Variants in CHMP4B observed in about 807,000 individuals in gnomAD.
The protein encoded by CHMP4B is charged multivesicular body protein 4B, also known as SNF7 homolog associated with Alix 1.
CHMP4B carries 1 observed loss-of-function variant against 25.1 expected under a neutral mutation model. The observed-to-expected ratio is 0.04, with a 90% CI of 0.01 to 0.19. CHMP4B has a LOEUF of 0.19. Ranked by LOEUF, CHMP4B falls within the 10% of genes least tolerant of loss-of-function variation. The pLI, the probability that CHMP4B is intolerant of heterozygous loss-of-function variation, is 1.00. For missense variants in CHMP4B, 151 were observed against 289.7 expected (o/e 0.52, Z 3.48); for synonymous variants, 101 against 115.6 (o/e 0.87, Z 0.81).
intron 1 of CHMP4B, among the ~76,000 whole-genome samples, chr20:33,823,225 A>G (rs1457435412): frequency 6.6e-6 from 1 of 151,952 alleles, no homozygotes; most frequent in Non-Finnish European, 1.5e-5. Flanking sequence ...AAACTTGATC[A>G]TGTTTGATCT....
intron 1 of CHMP4B, among the ~76,000 whole-genome samples, chr20:33,839,018 C>T (rs921227221): frequency 2.0e-5 from 3 of 152,172 alleles, no homozygotes; most frequent in Non-Finnish European, 2.9e-5. Flanking sequence ...TCTGCTACTT[C>T]CCTCCAGGTA....
In CHMP4B at chr20:33,837,053, C is replaced by T. The variant is rs572532102; in HGVS notation, c.191-11414C>T. ...TCATCTGTAAAATTGGCTAGTAAGA[C>T]GAATTCCTTATTGTCAGGATTAAAT... On this transcript the variant is annotated intron_variant, in intron 1 of 4. Coordinates refer to ENST00000217402, the MANE Select transcript of CHMP4B (RefSeq NM_176812.5). Among the ~76,000 whole-genome samples, 49 of 152,232 alleles carry T rather than the reference C, an allele frequency of 3.2e-4. 1 individual carries two copies. Among genetic ancestry groups the T allele is most frequent in the African/African-American group, 1.1e-3 (47 of 41,550 alleles).
At chr20:33,828,090 C>T (rs1246818811) in intron 1 of CHMP4B, among the ~76,000 whole-genome samples, 1 of 152,140 alleles carries the variant, frequency 6.6e-6, no homozygotes, top group African/African-American at 2.4e-5. Flanking sequence ...TAAATTAGGC[C>T]CTTTAAAACC....
In CHMP4B at chr20:33,838,494, A is replaced by C. The variant is rs374491895; in HGVS notation, c.191-9973A>C. 8.5e-5 allele frequency among the ~76,000 whole-genome samples: 13 copies of C among 152,326 alleles called. No individual in the cohort carries two copies. In the East Asian group the frequency reaches 2.3e-3, roughly 27 times the overall value. On this transcript the variant is annotated intron_variant, in intron 1 of 4. Coordinates refer to ENST00000217402, the MANE Select transcript of CHMP4B (RefSeq NM_176812.5). ...TTGCCAGATACTCCATCTTTACAAA[A>C]GGAAGCCAAAAATCTGGATTTTTAT...
chr20:33,816,353 GAA>G (rs762242662), intron 1 of CHMP4B, among the ~76,000 whole-genome samples: 3 of 152,194 alleles, frequency 2.0e-5, no homozygotes, highest in Non-Finnish European at 2.9e-5. Flanking sequence ...GGTAATATAT[GAA>G]AGAGTGTGGC....
chr20:33,821,386 CAAAA>C (rs35674946), intron 1 of CHMP4B, among the ~76,000 whole-genome samples: 3 of 106,226 alleles, frequency 2.8e-5, no homozygotes, highest in Non-Finnish European at 2.0e-5. Context: ...GACTCCATCT[CAAAA>C]AAAAAAAAAA....
At chr20:33,825,373 T>C (rs538030514) in intron 1 of CHMP4B, among the ~76,000 whole-genome samples, 83 of 152,336 alleles carry the variant, frequency 5.4e-4, no homozygotes, top group African/African-American at 1.9e-3. Flanking sequence ...CATCATTTAG[T>C]GCACAGGCAG....
intron 1 of CHMP4B, among the ~76,000 whole-genome samples, chr20:33,821,988 T>C (rs1257132199): frequency 1.3e-5 from 2 of 151,336 alleles, no homozygotes; most frequent in Admixed American, 6.6e-5. Context: ...AGCTAAATTT[T>C]TGTATTTTTT....
intron 1 of CHMP4B, among the ~76,000 whole-genome samples, chr20:33,822,397 G>A (rs977282020): frequency 2.0e-5 from 3 of 152,066 alleles, no homozygotes; most frequent in Admixed American, 1.3e-4. Context: ...CACCTGCCTC[G>A]GCCTCCCAAA....
chr20:33,852,236 G>A, intron 4 of CHMP4B, 33 bp downstream of exon 4: 1 of 1,613,806 alleles, frequency 6.2e-7, no homozygotes, highest in Non-Finnish European at 8.5e-7. Flanking sequence ...CACACCGTGA[G>A]GTCATGTGGC....
At chr20:33,846,882 C>G (rs1814306755) in intron 1 of CHMP4B, among the ~76,000 whole-genome samples, 1 of 152,216 alleles carries the variant, frequency 6.6e-6, no homozygotes, top group African/African-American at 2.4e-5. Context: ...TGTGCTAAGC[C>G]TCCTTCCTAG....
At chr20:33,842,584 T>C (rs1354493501) in intron 1 of CHMP4B, among the ~76,000 whole-genome samples, 3 of 152,236 alleles carry the variant, frequency 2.0e-5, no homozygotes, top group Non-Finnish European at 4.4e-5. Context: ...ACCAGGCTGC[T>C]GAGGGTTCTT....
Position 33,853,711 on chromosome 20 carries a change from C to T in CHMP4B, c.*151C>T. On this transcript the variant is annotated 3_prime_UTR_variant, in exon 5 of 5. Transcript: ENST00000217402. Reference sequence around the variant, plus strand: ...AGCAGTAGGGCCGCGTTGCTGCTCACTCTCTGCATAGCATGGTCTGCACCT... The same window carrying T: ...AGCAGTAGGGCCGCGTTGCTGCTCATTCTCTGCATAGCATGGTCTGCACCT... The T allele has an allele frequency of 5.4e-6, 3 of 552,104 alleles. No individual in the cohort carries two copies. The highest frequency in any genetic ancestry group is 3.8e-5 in the East Asian group (1 of 26,606). The allele number at this position is 552,104 out of a possible 1,614,324, so 34.2% of individuals were successfully genotyped here. A position where few individuals can be genotyped will look rare whatever the true frequency, so the allele number is the denominator to read the frequency against.
chr20:33,853,581 G>T lies in CHMP4B; in HGVS notation c.*21G>T. On this transcript the variant is annotated 3_prime_UTR_variant, in exon 5 of 5. Transcript: ENST00000217402. ...TGTAATGGGGTCCAGCGCTGGCTGG[G>T]CCCAGACAGACTGTGGTGGCCTGCG... is the stretch of plus-strand genomic sequence containing the variant. 1 of 1,607,874 alleles carries T rather than the reference G, an allele frequency of 6.2e-7. No individual in the cohort carries two copies. The highest frequency in any genetic ancestry group is 1.1e-5 in the South Asian group (1 of 90,930).
intron 1 of CHMP4B, among the ~76,000 whole-genome samples, chr20:33,815,718 T>A (rs758731480): frequency 2.6e-5 from 4 of 152,154 alleles, no homozygotes; most frequent in African/African-American, 4.8e-5. Flanking sequence ...AAAACAATCT[T>A]GTGGGTAAGT....
At chr20:33,840,351 A>G (rs1979504621) in intron 1 of CHMP4B, among the ~76,000 whole-genome samples, 1 of 152,132 alleles carries the variant, frequency 6.6e-6, no homozygotes, top group African/African-American at 2.4e-5. Context: ...GAAACAGGCA[A>G]GACGGAGGAG....
intron 2 of CHMP4B, 98 bp downstream of exon 2, chr20:33,848,742 C>T (rs1205849507): frequency 2.4e-6 from 3 of 1,264,420 alleles, no homozygotes; most frequent in African/African-American, 1.5e-5. Context: ...CTTGACTTAC[C>T]TATTCGAGCA....
In CHMP4B at chr20:33,853,612, A is replaced by G. The variant is rs761190998; in HGVS notation, c.*52A>G. 6.7e-7 allele frequency: 1 copy of G among 1,500,368 alleles called. No individual in the cohort carries two copies. Among genetic ancestry groups the G allele is most frequent in the Non-Finnish European group, 9.3e-7 (1 of 1,076,856 alleles). 92.9% of individuals were successfully genotyped at this position (1,500,368 alleles called of 1,614,324 possible). On this transcript the variant is annotated 3_prime_UTR_variant, in exon 5 of 5. Coordinates refer to ENST00000217402, the MANE Select transcript of CHMP4B (RefSeq NM_176812.5). ...ACAGACTGTGGTGGCCTGCGCAGCG[A>G]GCAGGCGTGTGCGTGTGTGGGGCAG...
At chr20:33,839,934 G>A (rs1340909293) in intron 1 of CHMP4B, among the ~76,000 whole-genome samples, 1 of 152,202 alleles carries the variant, frequency 6.6e-6, no homozygotes, top group African/African-American at 2.4e-5. Flanking sequence ...GGAAGAACTA[G>A]TGAGCATGGA....
Sources: gnomAD v4.1 joint callset for allele counts (sites outside exome capture counted in the v4.1 genomes callset) on GRCh38, gnomAD v4.1.1 for gene constraint, MANE v1.5 for transcripts, NCBI Gene and HGNC (gene_info 2026-07-23, HGNC 2026-07-21) for gene names.